The following MAK variants were observed in gnomAD, a reference collection of about 807,000 sequenced individuals.
The protein encoded by MAK is male germ cell associated kinase.
Under a neutral mutation model 82.6 loss-of-function variants are expected in MAK, and 65 were observed. The ratio of observed to expected loss-of-function variants is 0.79; its 90% CI spans 0.64 to 0.97. The LOEUF is 0.97. Among genes scored for constraint, MAK ranks in the 50% least tolerant of loss-of-function variants. The pLI is 0.00. For missense variants in MAK, 703 were observed against 780.2 expected (o/e 0.90, Z 1.18); for synonymous variants, 250 against 274.2 (o/e 0.91, Z 0.87).
chr6:10,795,968 T>A, intron 9 of MAK, 30 bp downstream of exon 9: 1 of 1,605,764 alleles, frequency 6.2e-7, no homozygotes, highest in African/African-American at 1.3e-5. Flanking sequence ...TCAAACTATT[T>A]CATTGCAAGT....
chr6:10,781,626 G>A (rs951913971), intron 11 of MAK, among the ~76,000 whole-genome samples: 1 of 151,952 alleles, frequency 6.6e-6, no homozygotes, highest in African/African-American at 2.4e-5. Flanking sequence ...GTTTTGCCAT[G>A]TTGGACAGGC....
chr6:10,820,812 T>C (rs1777889480), intron 2 of MAK, among the ~76,000 whole-genome samples: 1 of 152,216 alleles, frequency 6.6e-6, no homozygotes, highest in Non-Finnish European at 1.5e-5. Flanking sequence ...TGCTAAAATG[T>C]AAAATGTAAA....
At chr6:10,797,350 G>A (rs1775650309) in intron 8 of MAK, among the ~76,000 whole-genome samples, 1 of 152,150 alleles carries the variant, frequency 6.6e-6, no homozygotes, top group African/African-American at 2.4e-5. Context: ...CCCAAATGGA[G>A]GCAAGTTTGC....
intron 6 of MAK, among the ~76,000 whole-genome samples, chr6:10,805,072 G>C (rs1581717294): frequency 2.5e-4 from 1 of 4,014 alleles, no homozygotes; most frequent in South Asian, 0.013. Context: ...GTGTGTGTCG[G>C]GGGGGGGGTG....
chr6:10,789,959 A>G (rs1774933220), intron 10 of MAK, among the ~76,000 whole-genome samples: 2 of 152,112 alleles, frequency 1.3e-5, no homozygotes, highest in African/African-American at 2.4e-5. Flanking sequence ...ACCCAGCCCA[A>G]AATATCTTAT....
chr6:10,817,194 A>ATTTC (rs1292364081), intron 4 of MAK, among the ~76,000 whole-genome samples: 1 of 151,924 alleles, frequency 6.6e-6, no homozygotes, highest in Non-Finnish European at 1.5e-5. Flanking sequence ...TCGGAAAATT[A>ATTTC]TTTCTAAGTA....
chr6:10,831,079 C>T (rs1581778612), intron 1 of MAK, among the ~76,000 whole-genome samples: 5 of 152,154 alleles, frequency 3.3e-5, no homozygotes, highest in Admixed American at 3.3e-4. Context: ...GCCTCATTTA[C>T]ATGGTACTGT....
chr6:10,789,545 G>A (rs1774898315), intron 10 of MAK, among the ~76,000 whole-genome samples: 1 of 152,108 alleles, frequency 6.6e-6, no homozygotes, highest in African/African-American at 2.4e-5. Flanking sequence ...ATACCTATGA[G>A]GAAGTTTAAT....
chr6:10,836,531 T>C (rs1356191413), intron 1 of MAK, among the ~76,000 whole-genome samples: 4 of 152,228 alleles, frequency 2.6e-5, no homozygotes, highest in African/African-American at 9.6e-5. Flanking sequence ...CAATGTGGCA[T>C]AGCAACTACT....
At chr6:10,794,597 G>A (rs377477828) in intron 9 of MAK, among the ~76,000 whole-genome samples, 15 of 152,210 alleles carry the variant, frequency 9.9e-5, no homozygotes, top group African/African-American at 3.6e-4. Flanking sequence ...ACATTTGGGA[G>A]TGTATACCCA....
intron 11 of MAK, 41 bp from the exon 12 acceptor site, chr6:10,775,500 T>C: frequency 6.2e-7 from 1 of 1,603,722 alleles, no homozygotes; most frequent in Non-Finnish European, 8.5e-7. Context: ...TTAGAGCAGA[T>C]CATAAACTTA....
chr6:10,776,868 C>CCT lies in MAK; in HGVS notation c.1466-1410_1466-1409insAG, dbSNP rs1385569355. Among the ~76,000 whole-genome samples the CCT allele has an allele frequency of 2.7e-5, 4 of 150,662 alleles. No individual in the cohort carries two copies. The highest frequency in any genetic ancestry group is 2.0e-4 in the East Asian group (1 of 5,046). On this transcript the variant is annotated intron_variant, in intron 11 of 14. Coordinates refer to ENST00000354489, the MANE Select transcript of MAK (RefSeq NM_001242957.3). This position sits in a 1 kb window ranked among gnomAD's most constrained non-coding sequence, Gnocchi z 4.3. The stretch of plus-strand genomic sequence containing the variant: ...TTGGGAGGCCGAGGCGGGCGGATCA[C>CCT]GAGGTCAGGAGTTTGAGACCAGCTT...
chr6:10,822,980 AT>A (rs1223764973), intron 2 of MAK, among the ~76,000 whole-genome samples: 6 of 152,188 alleles, frequency 3.9e-5, no homozygotes, highest in African/African-American at 1.4e-4. Context: ...GAAACCTCTT[AT>A]TTTGTTCAGT....
At chr6:10,791,248 A>G (rs1442448607) in intron 10 of MAK, among the ~76,000 whole-genome samples, 1 of 152,118 alleles carries the variant, frequency 6.6e-6, no homozygotes, top group South Asian at 2.1e-4. Flanking sequence ...GGAAGGCACC[A>G]ATATTAAGCA....
chr6:10,766,625 T>C (rs554850626), intron 14 of MAK, among the ~76,000 whole-genome samples: 35 of 152,256 alleles, frequency 2.3e-4, no homozygotes, highest in Middle Eastern at 3.4e-3. Context: ...TCTGCTAAAT[T>C]AGTGAGCTCA....
At position 10,801,281 on chromosome 6, in the gene MAK, G is replaced by T. The variant is rs77513984; in HGVS notation, c.831+611C>A. On this transcript the variant is annotated intron_variant, in intron 8 of 14. Transcript: ENST00000354489. Reference sequence around the variant, plus strand: ...CATGGAATTTATATTTAAATGATGAGAATACAATAAAGTTTATTATTGCCT... The same window carrying T: ...CATGGAATTTATATTTAAATGATGATAATACAATAAAGTTTATTATTGCCT... Among the ~76,000 whole-genome samples, 34 of 152,250 alleles carry T rather than the reference G, an allele frequency of 2.2e-4. No individual in the cohort carries two copies. The East Asian group carries it at 6.2e-3, about 28-fold the overall frequency.
rs182486179 is a variant in MAK, at chr6:10,827,343, T to C, written c.101+3205A>G. On this transcript the variant is annotated intron_variant, in intron 2 of 14. Transcript: ENST00000354489. ...CCAGGCCTTTAAAAATATTTTTGTATATGGATGTATTTGTATATAATAAAG... is the reference window on the plus strand; with the variant it reads ...CCAGGCCTTTAAAAATATTTTTGTACATGGATGTATTTGTATATAATAAAG... 7.4e-4 allele frequency among the ~76,000 whole-genome samples: 113 copies of C among 152,304 alleles called. 1 individual carries two copies. Among genetic ancestry groups the C allele is most frequent in the Admixed American group, 5.1e-3 (78 of 15,300 alleles).
At chr6:10,810,507 T>C (rs919179689) in intron 5 of MAK, among the ~76,000 whole-genome samples, 3 of 152,006 alleles carry the variant, frequency 2.0e-5, no homozygotes, top group Admixed American at 1.3e-4. Flanking sequence ...ACTCGGCTAA[T>C]TGTTTGTATT....
intron 2 of MAK, among the ~76,000 whole-genome samples, chr6:10,822,402 C>T (rs1163671116): frequency 2.0e-5 from 3 of 150,486 alleles, no homozygotes; most frequent in South Asian, 2.1e-4. Flanking sequence ...TGCAGTGAGC[C>T]GAGATCGCGC....
Sources: allele counts gnomAD v4.1 joint callset (sites outside exome capture counted in the v4.1 genomes callset), GRCh38; gene constraint gnomAD v4.1.1; non-coding constraint Gnocchi (gnomAD v3.1); transcripts MANE v1.5; gene names NCBI Gene and HGNC (gene_info 2026-07-23, HGNC 2026-07-21).